EPS8: variants seen among roughly 807,000 people sequenced by gnomAD.
EPS8 encodes the protein EGFR pathway substrate 8, signaling adaptor, also known as epidermal growth factor receptor kinase substrate 8.
A neutral mutation model predicts 103.8 loss-of-function variants in EPS8; 42 were observed. The ratio of observed to expected loss-of-function variants is 0.40; its 90% CI spans 0.32 to 0.52. EPS8 has a LOEUF of 0.52. Ranked by LOEUF, EPS8 falls within the 20% of genes least tolerant of loss-of-function variation. The pLI is 0.40. For missense variants in EPS8, 969 were observed against 1,005.1 expected (o/e 0.96, Z 0.49); for synonymous variants, 344 against 344.6 (o/e 1.00, Z 0.02).
chr12:15,741,316 G>A (rs1244581931), intron 1 of EPS8, among the ~76,000 whole-genome samples: 1 of 152,198 alleles, frequency 6.6e-6, no homozygotes, highest in Non-Finnish European at 1.5e-5. Context: ...GACAGAAACT[G>A]GGTTGCAGAG....
At chr12:15,647,902 C>T (rs916922011) in intron 14 of EPS8, among the ~76,000 whole-genome samples, 18 of 152,170 alleles carry the variant, frequency 1.2e-4, no homozygotes, top group African/African-American at 4.3e-4. Flanking sequence ...TTTCCATGGA[C>T]CCCAGGGCCG....
chr12:15,633,840 G>A (rs1945091115), intron 17 of EPS8, among the ~76,000 whole-genome samples: 1 of 152,090 alleles, frequency 6.6e-6, no homozygotes, highest in Non-Finnish European at 1.5e-5. Flanking sequence ...GCTCTTCCAT[G>A]GAAACTGGTT....
In EPS8 at chr12:15,760,690, G is replaced by A. The variant is rs1212466628; in HGVS notation, c.-22+28471C>T. Reference sequence around the variant, plus strand: ...GACACATCCCATCAACAGAATGAAGGACAAAAACCATATAATCATATCAAT... The same window carrying A: ...GACACATCCCATCAACAGAATGAAGAACAAAAACCATATAATCATATCAAT... On this transcript the variant is annotated intron_variant, in intron 1 of 20. Transcript: ENST00000281172. The surrounding 1 kb of genome is among the most constrained non-coding windows in gnomAD (Gnocchi z 4.5). 6.6e-6 allele frequency among the ~76,000 whole-genome samples: 1 copy of A among 151,812 alleles called. No homozygotes were observed. Among genetic ancestry groups the A allele is most frequent in the Non-Finnish European group, 1.5e-5 (1 of 67,860 alleles).
At chr12:15,645,450 CATT>C (rs1307718477) in intron 15 of EPS8, among the ~76,000 whole-genome samples, 2 of 151,900 alleles carry the variant, frequency 1.3e-5, no homozygotes, top group Non-Finnish European at 2.9e-5. Flanking sequence ...TATTTTATTT[CATT>C]ATTTAACTTT....
intron 1 of EPS8, among the ~76,000 whole-genome samples, chr12:15,755,671 T>C (rs1379536247): frequency 6.6e-6 from 1 of 152,206 alleles, no homozygotes; most frequent in Admixed American, 6.5e-5. Context: ...ATCCTTAAAC[T>C]GGTCTCTTTA....
In EPS8 at chr12:15,682,966, G is replaced by A; in HGVS notation, c.-15C>T. Reference sequence around the variant, plus strand: ...TGACCATTCATTGTGTCTTTCACTTGTGTGTTCTAAAAAAAGAAAGACACA... The same window carrying A: ...TGACCATTCATTGTGTCTTTCACTTATGTGTTCTAAAAAAAGAAAGACACA... On this transcript the variant is annotated 5_prime_UTR_variant, in exon 2 of 21. Transcript: ENST00000281172. 1 of 1,554,646 alleles carries A rather than the reference G, an allele frequency of 6.4e-7. No homozygotes were observed. Among genetic ancestry groups the A allele is most frequent in the Non-Finnish European group, 8.7e-7 (1 of 1,147,842 alleles).
intron 18 of EPS8, 88 bp from the exon 19 acceptor site, chr12:15,624,495 C>A (rs1307180712): frequency 2.1e-6 from 2 of 935,926 alleles, no homozygotes; most frequent in African/African-American, 1.7e-5. Context: ...AATCCTTGAC[C>A]CCAGTAGGAC....
At chr12:15,666,564 C>T (rs375205246) in intron 6 of EPS8, 42 bp from the exon 7 acceptor site, 1 of 1,443,776 alleles carries the variant, frequency 6.9e-7, no homozygotes, top group Non-Finnish European at 9.8e-7. Flanking sequence ...ATGGATTTTT[C>T]TGAGTCTTGA....
In EPS8 at chr12:15,776,814, C is replaced by A. The variant is rs1947210704; in HGVS notation, c.-22+12347G>T. Among the ~76,000 whole-genome samples, 1 of 152,140 alleles carries A rather than the reference C, an allele frequency of 6.6e-6. No individual in the cohort carries two copies. On this transcript the variant is annotated intron_variant, in intron 1 of 20. Coordinates refer to ENST00000281172, the MANE Select transcript of EPS8 (RefSeq NM_004447.6). The surrounding 1 kb of genome is among the most constrained non-coding windows in gnomAD (Gnocchi z 4.2). ...CAAACTATTTTTATATCAGATTCTA[C>A]CACCACTTGTTTTCCCAATCATTTT... is the stretch of plus-strand genomic sequence containing the variant.
At chr12:15,705,855 A>T (rs1009574563) in intron 1 of EPS8, among the ~76,000 whole-genome samples, 2 of 152,176 alleles carry the variant, frequency 1.3e-5, no homozygotes, top group Non-Finnish European at 2.9e-5. Context: ...GGAAAAACAG[A>T]CTTATGATAT....
In EPS8 at chr12:15,717,486, C is replaced by G. The variant is rs1205529746; in HGVS notation, c.-21-34514G>C. The stretch of plus-strand genomic sequence containing the variant: ...CCTGTAATCCCAGCTACTTGGGAGG[C>G]TGAGGCAGCAGAATTGCTTAAGCCC... On this transcript the variant is annotated intron_variant, in intron 1 of 20. Transcript: ENST00000281172. This position sits in a 1 kb window ranked among gnomAD's most constrained non-coding sequence, Gnocchi z 4.3. Among the ~76,000 whole-genome samples, 1 of 152,070 alleles carries G rather than the reference C, an allele frequency of 6.6e-6. No individual in the cohort carries two copies. The highest frequency in any genetic ancestry group is 1.5e-5 in the Non-Finnish European group (1 of 68,012).
intron 1 of EPS8, among the ~76,000 whole-genome samples, chr12:15,786,817 A>T (rs1250662492): frequency 6.6e-6 from 1 of 152,178 alleles, no homozygotes. Context: ...AAATATTTTC[A>T]ATCACTAACA....
Position 15,717,139 on chromosome 12 carries a change from T to A in EPS8, c.-21-34167A>T, listed in dbSNP as rs1591890959. On this transcript the variant is annotated intron_variant, in intron 1 of 20. Coordinates refer to ENST00000281172, the MANE Select transcript of EPS8 (RefSeq NM_004447.6). The surrounding 1 kb of genome is among the most constrained non-coding windows in gnomAD (Gnocchi z 4.3). Reference sequence around the variant, plus strand: ...GGGACAGGAGATGCAATATGACTTATCTTTGGGAGAATCATATCTAACTAC... The same window carrying A: ...GGGACAGGAGATGCAATATGACTTAACTTTGGGAGAATCATATCTAACTAC... Among the ~76,000 whole-genome samples, 1 of 152,218 alleles carries A rather than the reference T, an allele frequency of 6.6e-6. No homozygotes were observed. The highest frequency in any genetic ancestry group is 2.4e-5 in the African/African-American group (1 of 41,456).
chr12:15,761,902 G>A lies in EPS8; in HGVS notation c.-22+27259C>T, dbSNP rs1182393730. The stretch of plus-strand genomic sequence containing the variant: ...GAAAATTTCTTGAGTAATACCTCAC[G>A]AGAACAGGCAACCAAAACGAAAAGG... On this transcript the variant is annotated intron_variant, in intron 1 of 20. Coordinates refer to ENST00000281172, the MANE Select transcript of EPS8 (RefSeq NM_004447.6). The surrounding 1 kb of genome is among the most constrained non-coding windows in gnomAD (Gnocchi z 4.5). Among the ~76,000 whole-genome samples the A allele has an allele frequency of 1.3e-5, 2 of 151,988 alleles. No homozygotes were observed. Among genetic ancestry groups the A allele is most frequent in the Non-Finnish European group, 2.9e-5 (2 of 67,934 alleles).
In EPS8 at chr12:15,681,270, G is replaced by T. The variant is rs147254763; in HGVS notation, c.92C>A (p.Thr31Lys). ...TGTTTTTGAACCATGTTCTCTGTCC[G>T]TCTGGGAAAAGGTAGGTGATGATCC... ...GYGSSPTFSQ[T>K]DREHGSKTSA... The change falls in exon 3 of 21, where the codon ACG (threonine) becomes AAG (lysine). Residue 31 changes from threonine to lysine, a missense_variant. By Grantham distance (78) the Thr-to-Lys change is moderately conservative. Coordinates refer to ENST00000281172, the MANE Select transcript of EPS8 (RefSeq NM_004447.6). The T allele has an allele frequency of 6.4e-7, 1 of 1,555,468 alleles. No individual in the cohort carries two copies. Among genetic ancestry groups the T allele is most frequent in the Non-Finnish European group, 8.7e-7 (1 of 1,143,844 alleles).
At chr12:15,656,886 T>C (rs2135803743) in intron 12 of EPS8, among the ~76,000 whole-genome samples, 1 of 152,292 alleles carries the variant, frequency 6.6e-6, no homozygotes, top group East Asian at 1.9e-4. Context: ...TTGCACAGTA[T>C]ATCCAATCTA....
At position 15,635,748 on chromosome 12, in the gene EPS8, C is replaced by T. The variant is rs151307150; in HGVS notation, c.1822-4084G>A. ...TATTTCATGACCAAGCAAATTGGAACACAGAAAAATAAAATGCTCTCTTTA... is the reference window on the plus strand; with the variant it reads ...TATTTCATGACCAAGCAAATTGGAATACAGAAAAATAAAATGCTCTCTTTA... On this transcript the variant is annotated intron_variant, in intron 17 of 20. Transcript: ENST00000281172. 1.3e-3 allele frequency among the ~76,000 whole-genome samples: 205 copies of T among 152,094 alleles called. 1 individual carries two copies. Among genetic ancestry groups the T allele is most frequent in the African/African-American group, 4.7e-3 (197 of 41,496 alleles).
At chr12:15,632,688 T>C (rs933722248) in intron 17 of EPS8, among the ~76,000 whole-genome samples, 1 of 152,224 alleles carries the variant, frequency 6.6e-6, no homozygotes, top group African/African-American at 2.4e-5. Context: ...AATTCTAAAA[T>C]GGCCCAAATA....
Position 15,767,922 on chromosome 12 carries a change from G to C in EPS8, c.-22+21239C>G, listed in dbSNP as rs575982169. On this transcript the variant is annotated intron_variant, in intron 1 of 20. Transcript: ENST00000281172. The surrounding 1 kb of genome is among the most constrained non-coding windows in gnomAD (Gnocchi z 5.5). ...TTTTGGTTGTTATTTTACAAATAAAGTTTTCCATTCAATTTAGAATAATGT... is the reference window on the plus strand; with the variant it reads ...TTTTGGTTGTTATTTTACAAATAAACTTTTCCATTCAATTTAGAATAATGT... Among the ~76,000 whole-genome samples the C allele has an allele frequency of 3.3e-5, 5 of 152,268 alleles. No homozygotes were observed. Among genetic ancestry groups the C allele is most frequent in the African/African-American group, 7.2e-5 (3 of 41,552 alleles).
Sources: allele counts gnomAD v4.1 joint callset (sites outside exome capture counted in the v4.1 genomes callset), GRCh38; gene constraint gnomAD v4.1.1; non-coding constraint Gnocchi (gnomAD v3.1); transcripts MANE v1.5; gene names NCBI Gene and HGNC (gene_info 2026-07-23, HGNC 2026-07-21).